Variants in MACF1 observed in about 807,000 individuals in gnomAD.
MACF1 encodes the protein microtubule actin crosslinking factor 1.
MACF1 carries 193 observed loss-of-function variants against 854.8 expected under a neutral mutation model. The ratio of observed to expected loss-of-function variants is 0.23; its 90% CI spans 0.20 to 0.25. The LOEUF (loss-of-function observed/expected upper bound fraction) is 0.25. Among genes scored for constraint, MACF1 ranks in the 10% least tolerant of loss-of-function variants. The pLI is 1.00. For synonymous variants in MACF1, 3,185 were observed against 3,226.7 expected (o/e 0.99, Z 0.44); for missense variants, 7,722 against 8,929.1 (o/e 0.86, Z 5.45).
At chr1:39,108,690 C>T (rs747024413) in intron 2 of MACF1, among the ~76,000 whole-genome samples, 4 of 152,062 alleles carry the variant, frequency 2.6e-5, no homozygotes, top group Non-Finnish European at 4.4e-5. Flanking sequence ...GAGACCAACT[C>T]TACTGAAGAA....
At chr1:39,194,341 CTTTTCTTTTCTTTT>C (rs776440962) in intron 2 of MACF1, among the ~76,000 whole-genome samples, 1 of 70,058 alleles carries the variant, frequency 1.4e-5, no homozygotes, top group East Asian at 4.3e-4. Context: ...CTTTTCTTTT[CTTTTCTTTTCTTTT>C]TTTTTTTTTT....
chr1:39,411,582 A>G (rs1203646096), intron 58 of MACF1: 1 of 1,613,938 alleles, frequency 6.2e-7, no homozygotes, highest in Non-Finnish European at 8.5e-7. Context: ...CTCAGGGGTT[A>G]GAGGGACTTG....
chr1:39,258,100 C>A, intron 6 of MACF1, 72 bp downstream of exon 6: 1 of 1,170,166 alleles, frequency 8.5e-7, no homozygotes, highest in Non-Finnish European at 1.3e-6. Flanking sequence ...CTGCCTTCCA[C>A]AGACAGCATT....
At chr1:39,433,023 C>T (rs1643900680) in intron 67 of MACF1, 25 bp from the exon 68 acceptor site, 1 of 1,447,116 alleles carries the variant, frequency 6.9e-7, no homozygotes, top group Admixed American at 1.8e-5. Flanking sequence ...CTTTTTACTT[C>T]TTAACTACAG....
At chr1:39,088,183 A>G (rs1157026198) in intron 2 of MACF1, among the ~76,000 whole-genome samples, 1 of 152,080 alleles carries the variant, frequency 6.6e-6, no homozygotes, top group Non-Finnish European at 1.5e-5. Context: ...CATGTTAGCC[A>G]GGATGGTCTC....
At position 39,422,317 on chromosome 1, in the gene MACF1, G is replaced by A. The variant is rs1032330195; in HGVS notation, c.15817-57G>A. 3.7e-5 allele frequency: 52 copies of A among 1,397,424 alleles called. No homozygotes were observed. In the East Asian group the frequency reaches 1.1e-3, roughly 31 times the overall value. 86.6% of individuals were successfully genotyped at this position (1,397,424 alleles called of 1,614,324 possible). ...CCCCAAGAATAACCAGTCTCTGCGT[G>A]GTATAGAGAGTCTAATAGCCTTTGT... On this transcript the variant is annotated intron_variant, in intron 58 of 100. Coordinates refer to ENST00000564288, the MANE Select transcript of MACF1 (RefSeq NM_001394062.1).
chr1:39,273,292 A>G (rs886441592), intron 6 of MACF1, among the ~76,000 whole-genome samples: 14 of 150,898 alleles, frequency 9.3e-5, no homozygotes, highest in African/African-American at 1.2e-4. Flanking sequence ...GCCCGCCCCC[A>G]CCACGCCCAG....
intron 41 of MACF1, 115 bp from the exon 42 acceptor site, chr1:39,349,363 C>A: frequency 9.4e-7 from 1 of 1,061,722 alleles, no homozygotes; most frequent in Non-Finnish European, 1.4e-6. Flanking sequence ...TCTAGTCTCC[C>A]ACCAACTTTT....
At chr1:39,330,147 C>A (rs755606225) in intron 36 of MACF1, among the ~76,000 whole-genome samples, 2 of 152,162 alleles carry the variant, frequency 1.3e-5, no homozygotes, top group African/African-American at 2.4e-5. Flanking sequence ...TTGTACTACC[C>A]ATTCTAGCCT....
intron 2 of MACF1, among the ~76,000 whole-genome samples, chr1:39,148,584 A>G (rs954553860): frequency 6.6e-6 from 1 of 152,210 alleles, no homozygotes; most frequent in Non-Finnish European, 1.5e-5. Flanking sequence ...TTCTTCACTT[A>G]GTGTATGTTG....
At chr1:39,249,850 A>C (rs1378969014) in intron 2 of MACF1, 164 bp from the exon 3 acceptor site, 2 of 509,108 alleles carry the variant, frequency 3.9e-6, no homozygotes, top group East Asian at 3.2e-5. Context: ...ATCATTTCAC[A>C]TGTATTTTAT....
chr1:39,483,086 C>CA (rs1198703166), intron 99 of MACF1, among the ~76,000 whole-genome samples: 6,986 of 22,614 alleles, frequency 0.31, 1,757 homozygotes, highest in Non-Finnish European at 0.34. Context: ...GACTCTGTCT[C>CA]AAAAAAAAAA....
chr1:39,379,323 A>G lies in MACF1; in HGVS notation c.13397A>G (p.His4466Arg). ...ATCCTCAACAGAATGGAGGAGGTTC[A>G]CAAGGAGGCAAACTCTGTGCTGCAG... is the stretch of plus-strand genomic sequence containing the variant. ...QAILNRMEEVHKEANSVLQWL... is the reference protein window; with the variant it reads ...QAILNRMEEVRKEANSVLQWL... Residue 4466 changes from histidine to arginine, a missense_variant, in exon 54 of 101, where the codon CAC becomes CGC. Physicochemically the swap from His to Arg is conservative, Grantham distance 29. Around this residue, in one of 15 missense-constraint regions of MACF1, gnomAD observed 2,807 missense variants for 3,235.8 expected, o/e 0.87. Coordinates refer to ENST00000564288, the MANE Select transcript of MACF1 (RefSeq NM_001394062.1). 1.2e-6 allele frequency: 2 copies of G among 1,614,178 alleles called. No homozygotes were observed. The highest frequency in any genetic ancestry group is 1.1e-5 in the South Asian group (1 of 91,086).
At chr1:39,285,424 T>G (rs369387413) in intron 13 of MACF1, 34 bp downstream of exon 13, 104 of 1,605,224 alleles carry the variant, frequency 6.5e-5, no homozygotes, top group Non-Finnish European at 8.8e-5. Context: ...AACATCTGTG[T>G]CACATGTTTC....
Position 39,427,557 on chromosome 1 carries a change from C to T in MACF1, c.16419C>T (p.Asn5473=). The T allele has an allele frequency of 6.2e-7, 1 of 1,614,094 alleles. No individual in the cohort carries two copies. The highest frequency in any genetic ancestry group is 8.5e-7 in the Non-Finnish European group (1 of 1,179,990). ...CTGTCACAGAGAAAAAGCTTGCTAA[C>T]TCAGAACCTGTTGGCACTCAGACTG... ...FLSVTEKKLA[N]SEPVGTQTAK... Residue 5473 remains asparagine, a synonymous_variant, in exon 62 of 101, where the codon AAC becomes AAT. Coordinates refer to ENST00000564288, the MANE Select transcript of MACF1 (RefSeq NM_001394062.1).
At chr1:39,362,573 G>T (rs1003758084) in intron 49 of MACF1, among the ~76,000 whole-genome samples, 1 of 152,094 alleles carries the variant, frequency 6.6e-6, no homozygotes, top group African/African-American at 2.4e-5. Flanking sequence ...TTTCCCAAAT[G>T]TGGTCGGTGG....
chr1:39,113,474 A>G (rs917903318), intron 2 of MACF1, among the ~76,000 whole-genome samples: 2 of 152,218 alleles, frequency 1.3e-5, no homozygotes, highest in African/African-American at 4.8e-5. Flanking sequence ...TTGCCATGGT[A>G]AGAGGGAATC....
Position 39,388,011 on chromosome 1 carries a change from G to C in MACF1, c.15169G>C (p.Glu5057Gln), listed in dbSNP as rs1011767204. The C allele has an allele frequency of 6.2e-7, 1 of 1,614,022 alleles. No individual in the cohort carries two copies. The highest frequency in any genetic ancestry group is 8.5e-7 in the Non-Finnish European group (1 of 1,180,030). ...CCTGGAGAAGCTAAGAGCTCAACAG[G>C]AAGTGCTGCAGGCCCTAGAGCCTCA... ...KNLEKLRAQQ[E>Q]VLQALEPQVD... Residue 5057 changes from glutamate to glutamine, a missense_variant, in exon 58 of 101, where the codon GAA becomes CAA. By Grantham distance (29) the Glu-to-Gln change is conservative. Around this residue, in one of 15 missense-constraint regions of MACF1, gnomAD observed 2,807 missense variants for 3,235.8 expected, o/e 0.87. Transcript: ENST00000564288.
At chr1:39,120,383 G>A (rs1642669612) in intron 2 of MACF1, among the ~76,000 whole-genome samples, 1 of 151,928 alleles carries the variant, frequency 6.6e-6, no homozygotes, top group South Asian at 2.1e-4. Flanking sequence ...TACTACAAGA[G>A]TGAGACTGAG....
Sources: allele counts gnomAD v4.1 joint callset (sites outside exome capture counted in the v4.1 genomes callset), GRCh38; gene constraint gnomAD v4.1.1; regional missense constraint gnomAD v4.1.1; transcripts MANE v1.5; gene names NCBI Gene and HGNC (gene_info 2026-07-23, HGNC 2026-07-21).